TTC29: variants seen among roughly 807,000 people sequenced by gnomAD.
TTC29 encodes tetratricopeptide repeat domain 29, also known as tetratricopeptide repeat protein 29.
Under a neutral mutation model 58.1 loss-of-function variants are expected in TTC29, and 49 were observed. The observed-to-expected ratio is 0.84, with a 90% CI of 0.67 to 1.07. TTC29 has a LOEUF of 1.07. Among genes scored for constraint, TTC29 ranks in the 50% least tolerant of loss-of-function variants. The pLI is 0.00. For synonymous variants in TTC29, 209 were observed against 196.8 expected (o/e 1.06, Z -0.52); for missense variants, 582 against 555.6 (o/e 1.05, Z -0.48).
At chr4:146,858,657 T>C (rs566122203) in intron 8 of TTC29, among the ~76,000 whole-genome samples, 1 of 152,292 alleles carries the variant, frequency 6.6e-6, no homozygotes, top group East Asian at 1.9e-4. Flanking sequence ...AACATAATAG[T>C]TTTAGTTATC....
At chr4:146,933,434 A>G (rs1735502232) in intron 4 of TTC29, among the ~76,000 whole-genome samples, 1 of 152,256 alleles carries the variant, frequency 6.6e-6, no homozygotes, top group Non-Finnish European at 1.5e-5. Flanking sequence ...AGCTACTCAA[A>G]GTAATTATGA....
intron 11 of TTC29, among the ~76,000 whole-genome samples, chr4:146,728,495 C>T (rs566546300): frequency 7.2e-4 from 109 of 151,682 alleles, no homozygotes; most frequent in African/African-American, 2.4e-3. Context: ...CCTTCCTTTA[C>T]TCTCCTGAAA....
intron 8 of TTC29, among the ~76,000 whole-genome samples, chr4:146,838,807 A>G (rs1728670441): frequency 6.6e-6 from 1 of 151,892 alleles, no homozygotes; most frequent in Non-Finnish European, 1.5e-5. Flanking sequence ...CTGTTTTCCT[A>G]TTTCTCACCC....
rs765949064 is a variant in TTC29 at position 146,707,167 on chromosome 4, AT to A, written c.1418del (p.Asn473MetfsTer35). 21 of 1,528,966 alleles carry A rather than the reference AT, an allele frequency of 1.4e-5. No homozygotes were observed. The highest frequency in any genetic ancestry group is 6.4e-5 in the South Asian group (5 of 77,750). 94.7% of individuals were successfully genotyped at this position (1,528,966 alleles called of 1,614,324 possible). A position where few individuals can be genotyped will look rare whatever the true frequency, so the allele number is the denominator to read the frequency against. ...TAAGTGAAAAGCTGCTTTAAGTTTC[AT>A]TTTTTTGATCACCTGGAAACCTGAA... is the stretch of plus-strand genomic sequence containing the variant. ...ELSRFPGDQK[N>X]ET On this transcript the variant is annotated frameshift_variant, in exon 13 of 13. Coordinates refer to ENST00000325106, the MANE Select transcript of TTC29 (RefSeq NM_031956.4). LOFTEE classifies it high-confidence loss of function.
chr4:146,907,247 A>G (rs1310704293), intron 5 of TTC29, among the ~76,000 whole-genome samples: 2 of 152,154 alleles, frequency 1.3e-5, no homozygotes, highest in East Asian at 3.8e-4. Flanking sequence ...ACTATTTGGC[A>G]TTTTAGGTTC....
intron 6 of TTC29, among the ~76,000 whole-genome samples, chr4:146,875,507 TTTC>T (rs137948588): frequency 0.07 from 10,725 of 152,166 alleles, 474 homozygotes; most frequent in Admixed American, 0.13. Context: ...CTTTTTTTCT[TTTC>T]TTTTCACTCT....
intron 11 of TTC29, among the ~76,000 whole-genome samples, chr4:146,728,437 T>G (rs928325744): frequency 6.6e-6 from 1 of 151,956 alleles, no homozygotes; most frequent in Non-Finnish European, 1.5e-5. Flanking sequence ...AAAATTTGCT[T>G]GCCCTTCAGC....
chr4:146,791,522 T>G (rs1271936305), intron 11 of TTC29, among the ~76,000 whole-genome samples: 1 of 151,974 alleles, frequency 6.6e-6, no homozygotes, highest in East Asian at 1.9e-4. Context: ...GCCATTCCCC[T>G]GTCTCTCCCC....
chr4:146,904,839 A>G (rs979035499), intron 5 of TTC29, among the ~76,000 whole-genome samples: 1 of 152,200 alleles, frequency 6.6e-6, no homozygotes, highest in Non-Finnish European at 1.5e-5. Flanking sequence ...GTCAGAAAAA[A>G]TGAAACAGGT....
chr4:146,834,013 T>C, intron 8 of TTC29, 116 bp from the exon 9 acceptor site: 1 of 631,428 alleles, frequency 1.6e-6, no homozygotes, highest in Admixed American at 3.6e-5. Context: ...TATAAAAAAT[T>C]TTGTTGATTA....
At chr4:146,737,590 T>TG (rs56346604) in intron 11 of TTC29, among the ~76,000 whole-genome samples, 31,922 of 92,142 alleles carry the variant, frequency 0.35, 6,831 homozygotes, top group Non-Finnish European at 0.43. Context: ...CTAGTAGCCC[T>TG]GGGGGGGGGG....
At chr4:146,837,483 C>T (rs575782830) in intron 8 of TTC29, among the ~76,000 whole-genome samples, 98 of 152,096 alleles carry the variant, frequency 6.4e-4, no homozygotes, top group Non-Finnish European at 1.1e-3. Context: ...GCACATGTAC[C>T]GCTGAACTTA....
intron 7 of TTC29, among the ~76,000 whole-genome samples, chr4:146,867,793 G>C (rs4835352): frequency 0.071 from 10,748 of 151,850 alleles, 485 homozygotes; most frequent in Admixed American, 0.13. Flanking sequence ...GATGCTTTAA[G>C]GATATAATTA....
At chr4:146,718,061 G>T (rs1461300350) in intron 11 of TTC29, among the ~76,000 whole-genome samples, 2 of 151,944 alleles carry the variant, frequency 1.3e-5, no homozygotes, top group African/African-American at 4.8e-5. Flanking sequence ...GCAAATGACA[G>T]GATTTATCAT....
chr4:146,842,484 C>A (rs1728910796), intron 8 of TTC29, among the ~76,000 whole-genome samples: 1 of 151,998 alleles, frequency 6.6e-6, no homozygotes, highest in South Asian at 2.1e-4. Context: ...GAGAATGAAA[C>A]CCCTACAGGT....
At chr4:146,888,295 C>T (rs1052064532) in intron 6 of TTC29, among the ~76,000 whole-genome samples, 10 of 152,016 alleles carry the variant, frequency 6.6e-5, no homozygotes, top group Admixed American at 1.3e-4. Context: ...GATAAAATGT[C>T]AGGAGTTAAA....
chr4:146,925,910 T>C (rs1163674303), intron 4 of TTC29, among the ~76,000 whole-genome samples: 1 of 152,176 alleles, frequency 6.6e-6, no homozygotes, highest in Non-Finnish European at 1.5e-5. Flanking sequence ...TTCCTCTCTT[T>C]GAACCATCCT....
At chr4:146,925,573 TAGAAA>T (rs2150310495) in intron 4 of TTC29, among the ~76,000 whole-genome samples, 1 of 152,300 alleles carries the variant, frequency 6.6e-6, no homozygotes, top group African/African-American at 2.4e-5. Context: ...ATTTCAAATA[TAGAAA>T]AGAAATGAGA....
At chr4:146,917,341 T>C (rs1339065219) in intron 4 of TTC29, among the ~76,000 whole-genome samples, 1 of 147,684 alleles carries the variant, frequency 6.8e-6, no homozygotes, top group East Asian at 2.0e-4. Context: ...TAATTTAACA[T>C]ATTTTAATTA....
Sources: allele counts gnomAD v4.1 joint callset (sites outside exome capture counted in the v4.1 genomes callset), GRCh38; gene constraint gnomAD v4.1.1; transcripts MANE v1.5; gene names NCBI Gene and HGNC (gene_info 2026-07-23, HGNC 2026-07-21).